The following SI variants were observed in gnomAD, a reference collection of about 807,000 sequenced individuals.
SI encodes sucrase-isomaltase.
Under a neutral mutation model 253.3 loss-of-function variants are expected in SI, and 235 were observed. The ratio of observed to expected loss-of-function variants is 0.93; its 90% CI spans 0.83 to 1.03. SI has a LOEUF of 1.03. Among genes scored for constraint, SI ranks in the 50% least tolerant of loss-of-function variants. The pLI, the probability that SI is intolerant of heterozygous loss-of-function variation, is 0.00. For synonymous variants in SI, 819 were observed against 712.0 expected, an observed-to-expected ratio of 1.15 and a Z score of -2.39; for missense variants, 2,442 against 2,211.1, an observed-to-expected ratio of 1.10 and a Z score of -2.09.
chr3:165,047,654 T>C (rs1047614842), intron 15 of SI, among the ~76,000 whole-genome samples: 3 of 152,086 alleles, frequency 2.0e-5, no homozygotes, highest in Non-Finnish European at 4.4e-5. Flanking sequence ...GGGCATTTGG[T>C]ATCCACTCAA....
intron 16 of SI, among the ~76,000 whole-genome samples, chr3:165,045,009 A>G (rs1713033558): frequency 6.6e-6 from 1 of 151,904 alleles, no homozygotes; most frequent in Non-Finnish European, 1.5e-5. Flanking sequence ...ACTTCCCTTC[A>G]CTGCTGTCAT....
chr3:165,064,972 A>C (rs867855826), intron 7 of SI, among the ~76,000 whole-genome samples: 3 of 152,084 alleles, frequency 2.0e-5, no homozygotes, highest in Non-Finnish European at 4.4e-5. Flanking sequence ...TGATGGATAT[A>C]AGTACAAGGT....
At chr3:165,008,770 T>C (rs1718634843) in intron 35 of SI, among the ~76,000 whole-genome samples, 1 of 151,936 alleles carries the variant, frequency 6.6e-6, no homozygotes, top group Non-Finnish European at 1.5e-5. Context: ...CTCCGGAAAT[T>C]GAAATATATT....
At position 165,013,820 on chromosome 3, in the gene SI, TA is replaced by T. The variant is rs938895924; in HGVS notation, c.4000-779del. On this transcript the variant is annotated intron_variant, in intron 33 of 47. Coordinates refer to ENST00000264382, the MANE Select transcript of SI (RefSeq NM_001041.4). The stretch of plus-strand genomic sequence containing the variant: ...ACAGAATGAGGAGAAAGTAGGAAGT[TA>T]AAAAAAAACCTCTGGATTAATATGC... Among the ~76,000 whole-genome samples, 40 of 151,442 alleles carry T rather than the reference TA, an allele frequency of 2.6e-4. No homozygotes were observed. In the South Asian group the frequency reaches 4.0e-3, roughly 15 times the overall value.
At chr3:165,006,033 A>C (rs1718494278) in intron 37 of SI, among the ~76,000 whole-genome samples, 1 of 152,208 alleles carries the variant, frequency 6.6e-6, no homozygotes, top group Admixed American at 6.5e-5. Context: ...AATGCAGATA[A>C]TTACTATGAT....
upstream of SI, among the ~76,000 whole-genome samples, chr3:165,081,117 TA>T (rs1715307119): frequency 6.6e-6 from 1 of 151,904 alleles, no homozygotes; most frequent in South Asian, 2.1e-4. Context: ...TAAATTCAGA[TA>T]AAAATCACAA....
Position 165,046,901 on chromosome 3 carries a change from C to T in SI, c.1827G>A (p.Trp609Ter), listed in dbSNP as rs755917203. 6.2e-7 allele frequency: 1 copy of T among 1,613,262 alleles called. No individual in the cohort carries two copies. Among genetic ancestry groups the T allele is most frequent in the Non-Finnish European group, 8.5e-7 (1 of 1,179,540 alleles). Residue 609 changes from tryptophan to a stop codon, truncating the protein, a stop_gained, in exon 16 of 48, where the codon TGG (tryptophan) becomes TGA (stop). Coordinates refer to ENST00000264382, the MANE Select transcript of SI (RefSeq NM_001041.4). LOFTEE classifies it high-confidence loss of function. ...CAGTTATAGACCATTCCATTTGTTC[C>T]CATGAAGCAGTATTGTCTCCTAACC... is the stretch of plus-strand genomic sequence containing the variant. Reference protein sequence around the residue: ...AHWLGDNTASWEQMEWSITGM... With the variant: ...AHWLGDNTAS
At position 165,017,663 on chromosome 3, in the gene SI, T is replaced by A; in HGVS notation, c.3644A>T (p.His1215Leu). ...ATKQYHEVIGHPVMPAYWALG... is the reference protein window; with the variant it reads ...ATKQYHEVIGLPVMPAYWALG... The stretch of plus-strand genomic sequence containing the variant: ...AGCCCAATAAGCTGGCATGACTGGA[T>A]GGCCAATTACCTTTAAAAAAAATTC... Residue 1215 changes from histidine to leucine, a missense_variant, in exon 31 of 48, where the codon CAT (histidine) becomes CTT (leucine). Coordinates refer to ENST00000264382, the MANE Select transcript of SI (RefSeq NM_001041.4). 6.2e-7 allele frequency: 1 copy of A among 1,612,790 alleles called. No homozygotes were observed. The highest frequency in any genetic ancestry group is 1.1e-5 in the South Asian group (1 of 91,058).
chr3:165,031,643 G>A lies in SI; in HGVS notation c.2737-776C>T, dbSNP rs939437184. ...AAGCCCTGGGCCAGAGGTCTTATGA[G>A]TTAAAACAAAAATATTATAAGACAA... is the stretch of plus-strand genomic sequence containing the variant. On this transcript the variant is annotated intron_variant, in intron 24 of 47. Transcript: ENST00000264382. Among the ~76,000 whole-genome samples the A allele has an allele frequency of 5.4e-4, 81 of 149,958 alleles. 1 individual carries two copies. Among genetic ancestry groups the A allele is most frequent in the Non-Finnish European group, 6.9e-4 (46 of 66,994 alleles).
the SI span, among the ~76,000 whole-genome samples, chr3:165,088,210 G>A: frequency 6.6e-6 from 1 of 152,004 alleles, no homozygotes; most frequent in South Asian, 2.1e-4. Flanking sequence ...GTTGGGCATG[G>A]TGGCACATGC....
In SI at chr3:164,994,977, A is replaced by C. The variant is rs141890911; in HGVS notation, c.4693-572T>G. ...TCAAAAGACTAAAATTTTTAGTCTA[A>C]AGTTTAGAGTGGAAGATTAAAAGTC... On this transcript the variant is annotated intron_variant, in intron 40 of 47. Coordinates refer to ENST00000264382, the MANE Select transcript of SI (RefSeq NM_001041.4). 1.3e-4 allele frequency among the ~76,000 whole-genome samples: 20 copies of C among 151,878 alleles called. No individual in the cohort carries two copies. In the East Asian group the frequency reaches 3.7e-3, roughly 28 times the overall value.
At chr3:165,032,738 A>C (rs1712317524) in intron 23 of SI, 46 bp from the exon 24 acceptor site, 1 of 1,309,160 alleles carries the variant, frequency 7.6e-7, no homozygotes, top group Admixed American at 1.8e-5. Flanking sequence ...CATCAGATAC[A>C]AACCTGAAAT....
chr3:164,995,535 T>C (rs1191052077), intron 40 of SI, among the ~76,000 whole-genome samples: 1 of 151,824 alleles, frequency 6.6e-6, no homozygotes. Flanking sequence ...TAGATTTTTA[T>C]TTAGAAATAC....
Position 165,038,164 on chromosome 3 carries a change from A to G in SI, c.2302-140T>C, listed in dbSNP as rs565691722. The G allele has an allele frequency of 4.1e-6, 3 of 739,868 alleles. No individual in the cohort carries two copies. The Admixed American group carries it at 9.1e-5, about 22-fold the overall frequency. 45.8% of individuals were successfully genotyped at this position (739,868 alleles called of 1,614,324 possible). ...GAATATATTGTTTTCTAACTTTAGG[A>G]GAATTTTTTTTTTCAGTTTGCTGAA... is the stretch of plus-strand genomic sequence containing the variant. On this transcript the variant is annotated intron_variant, in intron 20 of 47. Transcript: ENST00000264382.
intron 9 of SI, among the ~76,000 whole-genome samples, chr3:165,061,613 A>G (rs995337422): frequency 6.6e-6 from 1 of 152,028 alleles, no homozygotes; most frequent in African/African-American, 2.4e-5. Flanking sequence ...CAAGAAAATA[A>G]TATTTTTAAA....
intron 26 of SI, among the ~76,000 whole-genome samples, chr3:165,023,097 T>G (rs1299992020): frequency 1.3e-5 from 2 of 151,578 alleles, no homozygotes; most frequent in African/African-American, 4.8e-5. Flanking sequence ...CTAGTTATTT[T>G]GTTGATATTT....
chr3:165,032,676 A>C lies in SI; in HGVS notation c.2582T>G (p.Val861Gly), dbSNP rs764267436. The C allele has an allele frequency of 6.2e-7, 1 of 1,602,132 alleles. No homozygotes were observed. The highest frequency in any genetic ancestry group is 2.2e-5 in the East Asian group (1 of 44,502). Residue 861 changes from valine to glycine, a missense_variant, in exon 24 of 48, where the codon GTG becomes GGG. Coordinates refer to ENST00000264382, the MANE Select transcript of SI (RefSeq NM_001041.4). ...FSVSNNTLDI[V>G]CTHSSYQEGT... ...TTCCTGATATGATGAATGTGTGCAC[A>C]CAATATCTAATGTGTTCTGAGAAAA...
In SI at chr3:164,991,343, G is replaced by A. The variant is rs1315590643; in HGVS notation, c.5108+10C>T. The A allele has an allele frequency of 2.5e-6, 4 of 1,613,554 alleles. No homozygotes were observed. The highest frequency in any genetic ancestry group is 3.4e-6 in the Non-Finnish European group (4 of 1,179,590). On this transcript the variant is annotated intron_variant, in intron 44 of 47. Coordinates refer to ENST00000264382, the MANE Select transcript of SI (RefSeq NM_001041.4). ...AAATTTAACCTGAGCTTTGTAAACA[G>A]TTCACTTACCTGTAAAATGTGTTTT...
At chr3:165,046,062 C>T (rs1429435161) in intron 16 of SI, among the ~76,000 whole-genome samples, 1 of 151,826 alleles carries the variant, frequency 6.6e-6, no homozygotes, top group Non-Finnish European at 1.5e-5. Context: ...AACTCCTGAC[C>T]TCAAGTGATC....
Sources: allele counts gnomAD v4.1 joint callset (sites outside exome capture counted in the v4.1 genomes callset), GRCh38; gene constraint gnomAD v4.1.1; transcripts MANE v1.5; gene names NCBI Gene and HGNC (gene_info 2026-07-23, HGNC 2026-07-21).